NSMCE2: variants seen among roughly 807,000 people sequenced by gnomAD.
NSMCE2 encodes E3 SUMO-protein ligase NSE2.
NSMCE2 carries 24 observed loss-of-function variants against 23.8 expected under a neutral mutation model. The ratio of observed to expected loss-of-function variants is 1.01; its 90% CI spans 0.73 to 1.42. The LOEUF (loss-of-function observed/expected upper bound fraction) is 1.42, where lower values mean the gene tolerates loss of function less well. Among genes scored for constraint, NSMCE2 ranks in the 40% most tolerant of loss-of-function variants. NSMCE2 has a pLI of 0.00. For missense variants in NSMCE2, 284 were observed against 296.5 expected, an observed-to-expected ratio of 0.96 and a Z score of 0.31; for synonymous variants, 92 against 94.1, an observed-to-expected ratio of 0.98 and a Z score of 0.13.
intron 5 of NSMCE2, among the ~76,000 whole-genome samples, chr8:125,274,614 A>G (rs1366071049): frequency 6.6e-6 from 1 of 152,134 alleles, no homozygotes; most frequent in Admixed American, 6.5e-5. Flanking sequence ...AGTTTCACTG[A>G]CAAGGAATAG....
chr8:125,111,537 T>C (rs1818746821), intron 3 of NSMCE2, among the ~76,000 whole-genome samples: 1 of 152,172 alleles, frequency 6.6e-6, no homozygotes, highest in African/African-American at 2.4e-5. Context: ...CGGTGGCTCA[T>C]GCCTATAATC....
intron 5 of NSMCE2, among the ~76,000 whole-genome samples, chr8:125,265,925 C>G (rs759472431): frequency 5.9e-5 from 9 of 152,036 alleles, no homozygotes; most frequent in Middle Eastern, 3.4e-3. Context: ...ATCATGAACC[C>G]TCTATTACTT....
At chr8:125,284,503 C>T (rs964523232) in intron 5 of NSMCE2, among the ~76,000 whole-genome samples, 2 of 152,222 alleles carry the variant, frequency 1.3e-5, no homozygotes, top group Admixed American at 6.5e-5. Context: ...CAACTGCTGA[C>T]CTTTCCCCTA....
intron 5 of NSMCE2, among the ~76,000 whole-genome samples, chr8:125,210,826 T>C (rs1437038582): frequency 6.6e-6 from 1 of 152,214 alleles, no homozygotes; most frequent in Non-Finnish European, 1.5e-5. Context: ...GTTCAAGCGA[T>C]TCTTATGCCT....
intron 5 of NSMCE2, among the ~76,000 whole-genome samples, chr8:125,206,169 T>C (rs1824110646): frequency 6.6e-6 from 1 of 152,188 alleles, no homozygotes; most frequent in Non-Finnish European, 1.5e-5. Flanking sequence ...AAGGAAATAC[T>C]GTAAGCCATG....
rs147337686 is a variant in NSMCE2, at chr8:125,292,936, C to T, written c.419-64283C>T. 9.2e-5 allele frequency among the ~76,000 whole-genome samples: 14 copies of T among 152,176 alleles called. No homozygotes were observed. In the East Asian group the frequency reaches 2.7e-3, roughly 29 times the overall value. On this transcript the variant is annotated intron_variant, in intron 5 of 7. Transcript: ENST00000287437. The stretch of plus-strand genomic sequence containing the variant: ...TTGGCAGGTCATACTTGTTGAAGAC[C>T]CCCTGTAGTCTGGAGCAGTATTTCC...
At chr8:125,362,109 G>A (rs1259949822) in intron 7 of NSMCE2, among the ~76,000 whole-genome samples, 3 of 152,190 alleles carry the variant, frequency 2.0e-5, no homozygotes, top group Non-Finnish European at 4.4e-5. Context: ...CCGCTCCTGC[G>A]AGGCCTGAAG....
chr8:125,149,850 GTTTGT>G (rs1820900033), intron 3 of NSMCE2, among the ~76,000 whole-genome samples: 1 of 151,902 alleles, frequency 6.6e-6, no homozygotes, highest in Admixed American at 6.6e-5. Flanking sequence ...AGGTTTTTTT[GTTTGT>G]TTTTATATTT....
intron 5 of NSMCE2, among the ~76,000 whole-genome samples, chr8:125,209,984 T>C (rs1401321500): frequency 1.3e-5 from 2 of 152,218 alleles, no homozygotes; most frequent in South Asian, 4.1e-4. Flanking sequence ...GGTGATACTA[T>C]TGTTCTGAGA....
chr8:125,207,390 A>T (rs1421949117), intron 5 of NSMCE2, among the ~76,000 whole-genome samples: 1 of 152,224 alleles, frequency 6.6e-6, no homozygotes, highest in Non-Finnish European at 1.5e-5. Flanking sequence ...ATTTTAAAAA[A>T]TCAGTTCATC....
At chr8:125,203,181 T>C (rs1823959495) in intron 5 of NSMCE2, among the ~76,000 whole-genome samples, 1 of 151,954 alleles carries the variant, frequency 6.6e-6, no homozygotes, top group Non-Finnish European at 1.5e-5. Flanking sequence ...CTCAGTTGTT[T>C]AGTTAGCCTT....
intron 5 of NSMCE2, among the ~76,000 whole-genome samples, chr8:125,273,897 G>A (rs1009745689): frequency 1.1e-4 from 16 of 152,330 alleles, no homozygotes; most frequent in African/African-American, 3.8e-4. Flanking sequence ...TTGATCATCT[G>A]CATACCTCCT....
chr8:125,255,696 G>A (rs886560737), intron 5 of NSMCE2, among the ~76,000 whole-genome samples: 3 of 152,210 alleles, frequency 2.0e-5, no homozygotes, highest in African/African-American at 7.2e-5. Flanking sequence ...GCCCGTGTTT[G>A]CCAGGTGAAG....
At chr8:125,325,816 G>A (rs1003181972) in intron 5 of NSMCE2, among the ~76,000 whole-genome samples, 212 of 152,292 alleles carry the variant, frequency 1.4e-3, no homozygotes, top group Non-Finnish European at 2.9e-4. Context: ...ACTGGGCATG[G>A]TGGCGGGCAC....
At chr8:125,191,150 G>C (rs928811654) in intron 5 of NSMCE2, among the ~76,000 whole-genome samples, 8 of 152,174 alleles carry the variant, frequency 5.3e-5, no homozygotes, top group African/African-American at 1.7e-4. Context: ...GGGATTACAG[G>C]TGTGAGCCAC....
intron 4 of NSMCE2, among the ~76,000 whole-genome samples, chr8:125,173,351 T>C (rs1338875825): frequency 1.3e-5 from 2 of 152,212 alleles, no homozygotes; most frequent in South Asian, 4.1e-4. Context: ...TGTAACTAAT[T>C]CTGCTTCTGT....
chr8:125,093,959 T>C (rs1817806437), intron 1 of NSMCE2, among the ~76,000 whole-genome samples: 1 of 151,814 alleles, frequency 6.6e-6, no homozygotes, highest in Non-Finnish European at 1.5e-5. Context: ...ACTATGTCTG[T>C]GTAAGTTTAA....
In NSMCE2 at chr8:125,259,368, G is replaced by C. The variant is rs757253707; in HGVS notation, c.418+77112G>C. On this transcript the variant is annotated intron_variant, in intron 5 of 7. Transcript: ENST00000287437. ...CCCACAAGCGAGCATTACCACCTGAGCTCCACTTTCTGTCAGATCAGCGGT... is the reference window on the plus strand; with the variant it reads ...CCCACAAGCGAGCATTACCACCTGACCTCCACTTTCTGTCAGATCAGCGGT... Among the ~76,000 whole-genome samples the C allele has an allele frequency of 2.0e-5, 3 of 152,300 alleles. No individual in the cohort carries two copies. The East Asian group carries it at 5.8e-4, about 29-fold the overall frequency.
At chr8:125,166,964 G>A (rs989366514) in intron 4 of NSMCE2, among the ~76,000 whole-genome samples, 1 of 152,160 alleles carries the variant, frequency 6.6e-6, no homozygotes, top group Non-Finnish European at 1.5e-5. Context: ...GAGTTATAAA[G>A]GTGCCACTGC....
Sources: gnomAD v4.1 joint callset for allele counts (sites outside exome capture counted in the v4.1 genomes callset) on GRCh38, gnomAD v4.1.1 for gene constraint, MANE v1.5 for transcripts, NCBI Gene and HGNC (gene_info 2026-07-23, HGNC 2026-07-21) for gene names.